PLEKHA5: variants seen among roughly 807,000 people sequenced by gnomAD.
PLEKHA5 encodes pleckstrin homology domain containing A5, also known as pleckstrin homology domain-containing family A member 5.
PLEKHA5 carries 55 observed loss-of-function variants against 181.9 expected under a neutral mutation model. The observed-to-expected ratio is 0.30, with a 90% CI of 0.24 to 0.38. The LOEUF (loss-of-function observed/expected upper bound fraction) is 0.38, where lower values mean the gene tolerates loss of function less well. Ranked by LOEUF, PLEKHA5 falls within the 10% of genes least tolerant of loss-of-function variation. PLEKHA5 has a pLI of 1.00. For missense variants in PLEKHA5, 1,432 were observed against 1,549.5 expected (o/e 0.92, Z 1.27); for synonymous variants, 535 against 529.4 (o/e 1.01, Z -0.15).
intron 3 of PLEKHA5, among the ~76,000 whole-genome samples, chr12:19,182,629 A>G (rs1191703186): frequency 6.6e-6 from 1 of 152,196 alleles, no homozygotes; most frequent in Non-Finnish European, 1.5e-5. Flanking sequence ...CCTGCTTTAC[A>G]TTGAATTAAT....
intron 3 of PLEKHA5, among the ~76,000 whole-genome samples, chr12:19,193,891 C>T (rs928368039): frequency 2.0e-5 from 3 of 152,154 alleles, no homozygotes; most frequent in Admixed American, 6.6e-5. Flanking sequence ...AGGCATGTCA[C>T]AGAGCCAGAG....
intron 3 of PLEKHA5, chr12:19,200,344 A>G: frequency 1.3e-6 from 2 of 1,530,466 alleles, no homozygotes; most frequent in Non-Finnish European, 1.7e-6. Flanking sequence ...TTTCCTTTTC[A>G]TTCTTCCTGG....
rs2090399475 is a variant in PLEKHA5, at chr12:19,320,623, A to C, written c.2216A>C (p.Asp739Ala). 2.2e-6 allele frequency: 3 copies of C among 1,369,962 alleles called. No homozygotes were observed. In the East Asian group the frequency reaches 7.0e-5, roughly 32 times the overall value. 84.9% of individuals were successfully genotyped at this position (1,369,962 alleles called of 1,614,324 possible). ...YKYRPEEVDI[D>A]AKLSRLCEQD... is the part of the protein sequence containing the mutation. ...TACAGACCTGAAGAAGTAGATATTG[A>C]TGTAAGTATTAGTATGATATATGTG... is the stretch of plus-strand genomic sequence containing the variant. Residue 739 changes from aspartate (D) to alanine (A), a missense_variant and splice_region_variant, in exon 18 of 32, where the codon GAT becomes GCT. Coordinates refer to ENST00000429027, the MANE Select transcript of PLEKHA5 (RefSeq NM_001256470.2).
At chr12:19,357,492 T>G (rs2095011779) in intron 26 of PLEKHA5, among the ~76,000 whole-genome samples, 1 of 152,022 alleles carries the variant, frequency 6.6e-6, no homozygotes, top group Admixed American at 6.6e-5. Context: ...GTGATCCACC[T>G]GCCTCAGCCT....
At chr12:19,283,842 G>A (rs1415196654) in intron 12 of PLEKHA5, 97 bp downstream of exon 12, 33 of 712,832 alleles carry the variant, frequency 4.6e-5, no homozygotes, top group South Asian at 1.6e-4. Context: ...AAAAGAATGG[G>A]GATAAAGTAA....
intron 29 of PLEKHA5, among the ~76,000 whole-genome samples, chr12:19,365,236 A>G (rs1041897556): frequency 6.6e-6 from 1 of 151,802 alleles, no homozygotes; most frequent in Non-Finnish European, 1.5e-5. Context: ...ACGTGGTGGC[A>G]GGCGCCCGTA....
At chr12:19,357,679 A>G (rs2095026686) in intron 26 of PLEKHA5, among the ~76,000 whole-genome samples, 1 of 150,800 alleles carries the variant, frequency 6.6e-6, no homozygotes, top group Admixed American at 6.6e-5. Context: ...TGTCATCTGC[A>G]TGCTGGAGTG....
In PLEKHA5 at chr12:19,367,296, C is replaced by T. The variant is rs553409094; in HGVS notation, c.3754+1187C>T. Among the ~76,000 whole-genome samples the T allele has an allele frequency of 2.8e-5, 4 of 141,290 alleles. No individual in the cohort carries two copies. In the East Asian group the frequency reaches 8.1e-4, roughly 29 times the overall value. The allele number at this position is 141,290 out of a possible 152,430, so 92.7% of individuals were successfully genotyped here. A position where few individuals can be genotyped will look rare whatever the true frequency, so the allele number is the denominator to read the frequency against. On this transcript the variant is annotated intron_variant, in intron 30 of 31. Coordinates refer to ENST00000429027, the MANE Select transcript of PLEKHA5 (RefSeq NM_001256470.2). The stretch of plus-strand genomic sequence containing the variant: ...TTTTTTTTTTTTTGAAGCTCTTTCA[C>T]CCAGGCTGGAGTGATGTGGCGTGAT...
intron 20 of PLEKHA5, among the ~76,000 whole-genome samples, chr12:19,332,340 A>G (rs115797209): frequency 9.9e-4 from 151 of 152,316 alleles, no homozygotes; most frequent in African/African-American, 3.4e-3. Flanking sequence ...TTCTTGGAAT[A>G]TAACATGTTC....
At chr12:19,159,937 A>G (rs968978202) in intron 3 of PLEKHA5, among the ~76,000 whole-genome samples, 12 of 152,076 alleles carry the variant, frequency 7.9e-5, no homozygotes, top group African/African-American at 2.4e-4. Flanking sequence ...TATTATAGTA[A>G]GTTGATGTGG....
At chr12:19,211,988 G>A (rs2152197259) in intron 3 of PLEKHA5, among the ~76,000 whole-genome samples, 1 of 152,322 alleles carries the variant, frequency 6.6e-6, no homozygotes, top group African/African-American at 2.4e-5. Context: ...GCTTGGTGGT[G>A]TGAACTTCAG....
chr12:19,321,760 T>A (rs944551243), intron 18 of PLEKHA5: 1 of 152,076 alleles, frequency 6.6e-6, no homozygotes, highest in Non-Finnish European at 1.5e-5. Flanking sequence ...AATAGATAAA[T>A]GGCAAAGAAA....
intron 20 of PLEKHA5, among the ~76,000 whole-genome samples, chr12:19,331,390 G>A (rs2092814391): frequency 6.6e-6 from 1 of 152,064 alleles, no homozygotes; most frequent in Non-Finnish European, 1.5e-5. Context: ...TTTTTGTAGA[G>A]ATGAGATCTC....
At chr12:19,297,255 G>T (rs1298432921) in intron 15 of PLEKHA5, among the ~76,000 whole-genome samples, 2 of 151,942 alleles carry the variant, frequency 1.3e-5, no homozygotes, top group African/African-American at 4.8e-5. Flanking sequence ...ATAGCTAAAG[G>T]ACGTTATCCT....
At chr12:19,249,907 A>T (rs572256230) in intron 3 of PLEKHA5, among the ~76,000 whole-genome samples, 13 of 152,326 alleles carry the variant, frequency 8.5e-5, no homozygotes, top group Middle Eastern at 3.4e-3. Flanking sequence ...CGAGTCAGTT[A>T]TTTTAAGGGT....
chr12:19,258,561 C>CTTTTTTTTTTTTTTTTTTTTCTT (rs71440398), intron 6 of PLEKHA5, among the ~76,000 whole-genome samples: 1 of 123,798 alleles, frequency 8.1e-6, no homozygotes, highest in Non-Finnish European at 1.6e-5. Flanking sequence ...TTTTCTTTTT[C>CTTTTTTTTTTTTTTTTTTTTCTT]TTTTTTTTTT....
chr12:19,190,476 G>A (rs2050846226), intron 3 of PLEKHA5, among the ~76,000 whole-genome samples: 1 of 152,170 alleles, frequency 6.6e-6, no homozygotes, highest in African/African-American at 2.4e-5. Context: ...CTACATGTGT[G>A]GCCCTCATCA....
chr12:19,233,405 G>A (rs1592148297), intron 3 of PLEKHA5, among the ~76,000 whole-genome samples: 1 of 152,230 alleles, frequency 6.6e-6, no homozygotes, highest in African/African-American at 2.4e-5. Context: ...GCATCATGTC[G>A]TACAGCACTG....
At chr12:19,300,992 A>T (rs966402554) in intron 15 of PLEKHA5, among the ~76,000 whole-genome samples, 1 of 131,696 alleles carries the variant, frequency 7.6e-6, no homozygotes, top group Non-Finnish European at 1.7e-5. Flanking sequence ...AAAAAAAAAA[A>T]ATACAAAATT....
Sources: allele counts gnomAD v4.1 joint callset (sites outside exome capture counted in the v4.1 genomes callset), GRCh38; gene constraint gnomAD v4.1.1; transcripts MANE v1.5; gene names NCBI Gene and HGNC (gene_info 2026-07-23, HGNC 2026-07-21).